SUMF1: variants seen among roughly 807,000 people sequenced by gnomAD.
SUMF1 encodes the protein formylglycine-generating enzyme.
A neutral mutation model predicts 47.6 loss-of-function variants in SUMF1; 48 were observed. The observed-to-expected ratio is 1.01, with a 90% CI of 0.80 to 1.28. The LOEUF (loss-of-function observed/expected upper bound fraction) is 1.28, where lower values mean the gene tolerates loss of function less well. Among genes scored for constraint, SUMF1 ranks in the 50% most tolerant of loss-of-function variants. The pLI is 0.00. For missense variants in SUMF1, 571 were observed against 485.4 expected (o/e 1.18, Z -1.66); for synonymous variants, 230 against 192.1 (o/e 1.20, Z -1.63).
chr3:4,447,016 G>C (rs1036817387), intron 3 of SUMF1, among the ~76,000 whole-genome samples: 3 of 152,174 alleles, frequency 2.0e-5, no homozygotes, highest in Non-Finnish European at 4.4e-5. Flanking sequence ...TTTAGGGACA[G>C]AGAGGGGTGA....
At chr3:4,195,785 T>C (rs73014943) in intron 8 of SUMF1, among the ~76,000 whole-genome samples, 2,177 of 151,438 alleles carry the variant, frequency 0.014, 28 homozygotes, top group Non-Finnish European at 0.024. Flanking sequence ...AAGCTAGGAC[T>C]TTTTTTTTCA....
chr3:4,248,520 G>C (rs1258296938), intron 8 of SUMF1, among the ~76,000 whole-genome samples: 1 of 152,130 alleles, frequency 6.6e-6, no homozygotes, highest in Non-Finnish European at 1.5e-5. Flanking sequence ...TTAATGAGTG[G>C]CAAGATAAAA....
chr3:4,380,262 T>C (rs960639380), intron 7 of SUMF1, among the ~76,000 whole-genome samples: 1 of 152,228 alleles, frequency 6.6e-6, no homozygotes, highest in Admixed American at 6.5e-5. Flanking sequence ...ACTCATGTCC[T>C]TTGCAGCAAC....
At chr3:4,251,031 C>T (rs1011447068) in intron 8 of SUMF1, among the ~76,000 whole-genome samples, 2 of 152,116 alleles carry the variant, frequency 1.3e-5, no homozygotes, top group Non-Finnish European at 2.9e-5. Context: ...AAGGCTATAG[C>T]TGCCATAGAT....
chr3:4,371,391 T>G (rs1455524308), intron 8 of SUMF1, among the ~76,000 whole-genome samples: 2 of 152,228 alleles, frequency 1.3e-5, no homozygotes, highest in Admixed American at 6.5e-5. Flanking sequence ...AGATAATGAC[T>G]TACCAGCCTT....
chr3:4,320,034 T>A (rs1024605490), intron 8 of SUMF1, among the ~76,000 whole-genome samples: 1 of 152,204 alleles, frequency 6.6e-6, no homozygotes, highest in Non-Finnish European at 1.5e-5. Flanking sequence ...AGGAGTTTTT[T>A]AGGGCAATGA....
intron 8 of SUMF1, among the ~76,000 whole-genome samples, chr3:4,343,520 G>A (rs947731104): frequency 6.6e-6 from 1 of 152,224 alleles, no homozygotes; most frequent in African/African-American, 2.4e-5. Context: ...TTCAGCCACA[G>A]AAAGCAGAGA....
chr3:4,166,467 C>T (rs1348931511), intron 8 of SUMF1, among the ~76,000 whole-genome samples: 12 of 152,132 alleles, frequency 7.9e-5, no homozygotes, highest in Non-Finnish European at 1.6e-4. Context: ...AGCAACAGGG[C>T]CTTGGGCAAA....
At chr3:4,253,759 C>T (rs1252182730) in intron 8 of SUMF1, among the ~76,000 whole-genome samples, 1 of 145,294 alleles carries the variant, frequency 6.9e-6, no homozygotes, top group Non-Finnish European at 1.5e-5. Context: ...TGGAACCCAC[C>T]ACAGCTCAAG....
intron 9 of SUMF1, among the ~76,000 whole-genome samples, chr3:4,042,997 C>A (rs549715211): frequency 1.5e-4 from 23 of 152,258 alleles, no homozygotes; most frequent in African/African-American, 5.3e-4. Context: ...GAGCTCCTGT[C>A]TCCTCTGACT....
At chr3:4,210,466 C>T (rs1028256428) in intron 8 of SUMF1, among the ~76,000 whole-genome samples, 2 of 152,096 alleles carry the variant, frequency 1.3e-5, no homozygotes, top group Admixed American at 6.6e-5. Context: ...CAGAATTAGA[C>T]CCACACATAT....
intron 8 of SUMF1, among the ~76,000 whole-genome samples, chr3:4,322,034 G>T (rs1354849822): frequency 1.3e-5 from 2 of 152,114 alleles, no homozygotes; most frequent in Non-Finnish European, 2.9e-5. Context: ...ATGAGGAAAA[G>T]AATCAGATAA....
chr3:4,412,377 T>C (rs1701571863), intron 6 of SUMF1, among the ~76,000 whole-genome samples: 1 of 152,178 alleles, frequency 6.6e-6, no homozygotes, highest in Non-Finnish European at 1.5e-5. Flanking sequence ...GGCATTCTCC[T>C]TTACAAAAGT....
chr3:4,377,353 A>G (rs534888166), intron 7 of SUMF1, among the ~76,000 whole-genome samples: 1 of 152,278 alleles, frequency 6.6e-6, no homozygotes, highest in East Asian at 1.9e-4. Context: ...AAAGACACAT[A>G]TACGTACTAT....
chr3:4,224,211 A>T (rs1696127107), intron 8 of SUMF1, among the ~76,000 whole-genome samples: 1 of 152,120 alleles, frequency 6.6e-6, no homozygotes, highest in Non-Finnish European at 1.5e-5. Context: ...TAAAGTTTCT[A>T]TCAGAAAAGC....
intron 8 of SUMF1, among the ~76,000 whole-genome samples, chr3:4,131,754 G>A (rs1466394810): frequency 6.6e-6 from 1 of 152,174 alleles, no homozygotes; most frequent in Non-Finnish European, 1.5e-5. Context: ...CGTATCCCAT[G>A]TGAGTGCTCA....
intron 8 of SUMF1, among the ~76,000 whole-genome samples, chr3:4,227,384 AAT>A (rs150036511): frequency 0.39 from 58,524 of 151,756 alleles, 11,789 homozygotes; most frequent in Non-Finnish European, 0.45. Context: ...CTACATTTCA[AAT>A]TGGTCAAGTG....
intron 8 of SUMF1, among the ~76,000 whole-genome samples, chr3:4,331,118 C>T (rs189445849): frequency 2.0e-5 from 3 of 152,244 alleles, no homozygotes; most frequent in Admixed American, 2.0e-4. Flanking sequence ...TTTGCTTAAA[C>T]CTTCAGTTTT....
chr3:4,287,044 G>C (rs1003637057), intron 8 of SUMF1, among the ~76,000 whole-genome samples: 3 of 152,150 alleles, frequency 2.0e-5, no homozygotes, highest in Admixed American at 6.5e-5. Flanking sequence ...CCTTGTAACT[G>C]TCATTCTCTC....
Sources: allele counts gnomAD v4.1 joint callset (sites outside exome capture counted in the v4.1 genomes callset), GRCh38; gene constraint gnomAD v4.1.1; transcripts MANE v1.5; gene names NCBI Gene and HGNC (gene_info 2026-07-23, HGNC 2026-07-21).